The following LRP1B variants were observed in gnomAD, a reference collection of about 807,000 sequenced individuals.
LRP1B encodes low-density lipoprotein receptor-related protein 1B.
In LRP1B, 217 loss-of-function variants were observed where a neutral mutation model predicts 556.6. The ratio of observed to expected loss-of-function variants is 0.39; its 90% CI spans 0.35 to 0.44. The LOEUF is 0.44. LRP1B is among the 20% of genes least tolerant of loss of function. The probability of loss-of-function intolerance (pLI) is 1.00; values close to 1 mark genes in which losing one functional copy is unlikely to be tolerated. For missense variants in LRP1B, 5,053 were observed against 5,620.8 expected (o/e 0.90, Z 3.23); for synonymous variants, 2,047 against 1,865.8 (o/e 1.10, Z -2.50).
chr2:141,487,431 A>G (rs1574003251), intron 2 of LRP1B, among the ~76,000 whole-genome samples: 1 of 152,122 alleles, frequency 6.6e-6, no homozygotes, highest in African/African-American at 2.4e-5. Context: ...ACATGTTAGA[A>G]GTTACTCTTT....
In LRP1B at chr2:141,735,731, A is replaced by AT. The variant is rs747378251; in HGVS notation, c.205+74547dup. 7.2e-5 allele frequency among the ~76,000 whole-genome samples: 11 copies of AT among 152,198 alleles called. No individual in the cohort carries two copies. In the South Asian group the frequency reaches 2.3e-3, roughly 32 times the overall value. ...TATGGTGGGGTGGGTACATGTGGAT[A>AT]TTATATTTAGAAATCTTAATTTCCA... On this transcript the variant is annotated intron_variant, in intron 2 of 90. Transcript: ENST00000389484.
At chr2:141,699,513 T>C (rs1691858432) in intron 2 of LRP1B, among the ~76,000 whole-genome samples, 1 of 151,758 alleles carries the variant, frequency 6.6e-6, no homozygotes, top group Admixed American at 6.6e-5. Context: ...AATGCCTGTG[T>C]TTATTTTTAA....
chr2:140,858,586 CTTTTT>C (rs200294225), intron 27 of LRP1B, among the ~76,000 whole-genome samples: 3,766 of 150,430 alleles, frequency 0.025, 65 homozygotes, highest in Non-Finnish European at 0.038. Context: ...CTTTCTTTTT[CTTTTT>C]AAGTTCCAGG....
chr2:141,456,956 G>A (rs1681657532), intron 3 of LRP1B, among the ~76,000 whole-genome samples: 1 of 152,116 alleles, frequency 6.6e-6, no homozygotes, highest in Non-Finnish European at 1.5e-5. Flanking sequence ...TTTAAGCAAG[G>A]GACTGAATAT....
intron 31 of LRP1B, among the ~76,000 whole-genome samples, chr2:140,836,703 C>T (rs1165594000): frequency 6.6e-6 from 1 of 152,018 alleles, no homozygotes; most frequent in African/African-American, 2.4e-5. Flanking sequence ...AGAGATGTGA[C>T]AGTATATAGC....
At chr2:140,946,314 A>G (rs1695545833) in intron 20 of LRP1B, among the ~76,000 whole-genome samples, 1 of 152,064 alleles carries the variant, frequency 6.6e-6, no homozygotes, top group Non-Finnish European at 1.5e-5. Context: ...AGGAGTAAAA[A>G]CAGGTTCAGG....
At chr2:141,912,738 CATCTTTTT>C (rs1699936462) in intron 1 of LRP1B, among the ~76,000 whole-genome samples, 1 of 152,098 alleles carries the variant, frequency 6.6e-6, no homozygotes, top group African/African-American at 2.4e-5. Context: ...AAGGAAAGTT[CATCTTTTT>C]ATCATCAGGG....
chr2:141,148,156 T>G (rs1701832402), intron 7 of LRP1B, among the ~76,000 whole-genome samples: 1 of 152,184 alleles, frequency 6.6e-6, no homozygotes, highest in Non-Finnish European at 1.5e-5. Context: ...GTCTCAATTC[T>G]AGTAACAGTT....
intron 5 of LRP1B, among the ~76,000 whole-genome samples, chr2:141,244,726 A>G (rs1684006522): frequency 6.6e-6 from 1 of 152,154 alleles, no homozygotes; most frequent in South Asian, 2.1e-4. Flanking sequence ...TTTCTCTTAA[A>G]TTGTACAAAT....
intron 2 of LRP1B, among the ~76,000 whole-genome samples, chr2:141,703,125 A>G (rs1477258010): frequency 6.6e-6 from 1 of 151,960 alleles, no homozygotes; most frequent in Non-Finnish European, 1.5e-5. Flanking sequence ...GTACAATCAT[A>G]TATGATTTTC....
intron 82 of LRP1B, among the ~76,000 whole-genome samples, chr2:140,318,366 A>G (rs1391222010): frequency 1.3e-5 from 2 of 152,134 alleles, no homozygotes; most frequent in Admixed American, 6.6e-5. Context: ...GAGGTTTCTG[A>G]AATCATGCCT....
intron 66 of LRP1B, 108 bp downstream of exon 66, chr2:140,442,396 G>A (rs556540860): frequency 8.6e-6 from 12 of 1,397,206 alleles, no homozygotes; most frequent in Admixed American, 2.4e-5. Context: ...AACCTTTTCA[G>A]GTAAGACCTT....
At chr2:140,762,779 T>C (rs1346397988) in intron 35 of LRP1B, among the ~76,000 whole-genome samples, 1 of 152,182 alleles carries the variant, frequency 6.6e-6, no homozygotes, top group Non-Finnish European at 1.5e-5. Flanking sequence ...TATTGTCTAG[T>C]TGATTAAAAA....
At chr2:140,511,906 T>A (rs1689677941) in intron 51 of LRP1B, among the ~76,000 whole-genome samples, 1 of 152,210 alleles carries the variant, frequency 6.6e-6, no homozygotes, top group Non-Finnish European at 1.5e-5. Flanking sequence ...TTCCTCCTTA[T>A]CTATCCTTTT....
chr2:141,653,110 C>T (rs1689861615), intron 2 of LRP1B, among the ~76,000 whole-genome samples: 1 of 152,124 alleles, frequency 6.6e-6, no homozygotes, highest in Non-Finnish European at 1.5e-5. Context: ...AAGGATAAGG[C>T]ATTTGATGAA....
At chr2:141,671,893 C>T (rs1439739941) in intron 2 of LRP1B, among the ~76,000 whole-genome samples, 1 of 151,020 alleles carries the variant, frequency 6.6e-6, no homozygotes. Context: ...TCTCCTGTAT[C>T]TCTTATATGC....
intron 2 of LRP1B, among the ~76,000 whole-genome samples, chr2:141,580,301 C>A (rs774005470): frequency 6.6e-6 from 1 of 152,122 alleles, no homozygotes; most frequent in Admixed American, 6.6e-5. Context: ...ATAAAGATTA[C>A]AAACTCATTG....
At chr2:140,495,367 T>G (rs986592065) in intron 56 of LRP1B, among the ~76,000 whole-genome samples, 198 bp downstream of exon 56, 3 of 151,398 alleles carry the variant, frequency 2.0e-5, no homozygotes, top group African/African-American at 7.3e-5. Flanking sequence ...ACTCAATAAT[T>G]CACAAGGCCA....
intron 2 of LRP1B, among the ~76,000 whole-genome samples, chr2:141,536,135 CA>C (rs1231871009): frequency 1.3e-5 from 2 of 152,010 alleles, no homozygotes; most frequent in Non-Finnish European, 2.9e-5. Flanking sequence ...AAAAGCGCAA[CA>C]CTTTAAAATG....
Sources: gnomAD v4.1 joint callset for allele counts (sites outside exome capture counted in the v4.1 genomes callset) on GRCh38, gnomAD v4.1.1 for gene constraint, MANE v1.5 for transcripts, NCBI Gene and HGNC (gene_info 2026-07-23, HGNC 2026-07-21) for gene names.